TMX1: variants seen among roughly 807,000 people sequenced by gnomAD.
The protein encoded by TMX1 is thioredoxin-related transmembrane protein 1.
A neutral mutation model predicts 36.6 loss-of-function variants in TMX1; 25 were observed. The observed-to-expected ratio is 0.68, with a 90% CI of 0.50 to 0.95. The LOEUF is 0.95. Among genes scored for constraint, TMX1 ranks in the 40% least tolerant of loss-of-function variants. The probability of loss-of-function intolerance (pLI) is 0.00; values close to 1 mark genes in which losing one functional copy is unlikely to be tolerated. For missense variants in TMX1, 347 were observed against 339.6 expected (o/e 1.02, Z -0.17); for synonymous variants, 133 against 118.0 (o/e 1.13, Z -0.82).
In TMX1 at chr14:51,254,566, AGATT is replaced by A. The variant is rs1432293004; in HGVS notation, c.*51_*54del. ...ATATTATGATTTTGATAAAAACAGA[AGATT>A]GATCATTTTGTTTGGTTTGAAGTGA... On this transcript the variant is annotated 3_prime_UTR_variant, in exon 8 of 8. Transcript: ENST00000457354. The A allele has an allele frequency of 2.6e-6, 4 of 1,519,306 alleles. No individual in the cohort carries two copies. The highest frequency in any genetic ancestry group is 2.7e-6 in the Non-Finnish European group (3 of 1,128,794). 94.1% of individuals were successfully genotyped at this position (1,519,306 alleles called of 1,614,324 possible). A position where few individuals can be genotyped will look rare whatever the true frequency, so the allele number is the denominator to read the frequency against.
intron 7 of TMX1, 100 bp from the exon 8 acceptor site, chr14:51,254,241 C>A: frequency 2.0e-6 from 2 of 992,410 alleles, no homozygotes; most frequent in Non-Finnish European, 1.4e-6. Flanking sequence ...TAAATTTATG[C>A]CAAAGCAGTT....
At chr14:51,251,201 G>A (rs2065811222) in intron 7 of TMX1, among the ~76,000 whole-genome samples, 1 of 152,160 alleles carries the variant, frequency 6.6e-6, no homozygotes, top group Admixed American at 6.5e-5. Flanking sequence ...ACTTTACGAT[G>A]GTGCAAAATG....
chr14:51,246,518 T>C (rs1039144475), intron 3 of TMX1, among the ~76,000 whole-genome samples: 1 of 152,160 alleles, frequency 6.6e-6, no homozygotes, highest in Non-Finnish European at 1.5e-5. Context: ...TTTGTGACTC[T>C]GACAGAACTT....
Position 51,243,981 on chromosome 14 carries a change from G to A in TMX1, c.268+10G>A. On this transcript the variant is annotated intron_variant, in intron 2 of 7. Transcript: ENST00000457354. ...GTCACAGAGCAGCCAGGTACTGTAAGTCTTTGGTTAGTTTTGTTTCTTTGC... is the reference window on the plus strand; with the variant it reads ...GTCACAGAGCAGCCAGGTACTGTAAATCTTTGGTTAGTTTTGTTTCTTTGC... 1 of 1,589,822 alleles carries A rather than the reference G, an allele frequency of 6.3e-7. No individual in the cohort carries two copies. The highest frequency in any genetic ancestry group is 2.3e-5 in the East Asian group (1 of 44,222).
Position 51,247,230 on chromosome 14 carries a change from A to T in TMX1, c.443+10A>T. 6.2e-7 allele frequency: 1 copy of T among 1,604,636 alleles called. No individual in the cohort carries two copies. The highest frequency in any genetic ancestry group is 1.3e-5 in the African/African-American group (1 of 74,406). ...GTCCAGGTTCTGTTCTGTAAGTATG[A>T]GGGCTTTTTCTCTTACCCATTTCAT... On this transcript the variant is annotated intron_variant, in intron 4 of 7. Transcript: ENST00000457354.
At chr14:51,254,239 T>C in intron 7 of TMX1, 102 bp from the exon 8 acceptor site, 2 of 960,234 alleles carry the variant, frequency 2.1e-6, no homozygotes, top group Non-Finnish European at 2.9e-6. Context: ...GATAAATTTA[T>C]GCCAAAGCAG....
At chr14:51,251,416 A>T (rs2065812737) in intron 7 of TMX1, among the ~76,000 whole-genome samples, 1 of 152,202 alleles carries the variant, frequency 6.6e-6, no homozygotes, top group African/African-American at 2.4e-5. Flanking sequence ...ATCAGGGTAT[A>T]ACCCCATCAT....
Position 51,254,575 on chromosome 14 carries a change from A to G in TMX1, c.*56A>G. ...TTTTGATAAAAACAGAAGATTGATC[A>G]TTTTGTTTGGTTTGAAGTGAACTGT... is the stretch of plus-strand genomic sequence containing the variant. On this transcript the variant is annotated 3_prime_UTR_variant, in exon 8 of 8. Transcript: ENST00000457354. 6.7e-7 allele frequency: 1 copy of G among 1,499,716 alleles called. No individual in the cohort carries two copies. The highest frequency in any genetic ancestry group is 9.0e-7 in the Non-Finnish European group (1 of 1,112,910). 92.9% of individuals were successfully genotyped at this position (1,499,716 alleles called of 1,614,324 possible).
intron 3 of TMX1, among the ~76,000 whole-genome samples, chr14:51,246,334 T>A (rs1451364166): frequency 1.3e-5 from 2 of 152,190 alleles, no homozygotes; most frequent in East Asian, 3.8e-4. Context: ...ATCTTACCTA[T>A]GCTTCAAATA....
At chr14:51,249,637 C>A in intron 6 of TMX1, 56 bp from the exon 7 acceptor site, 1 of 1,594,076 alleles carries the variant, frequency 6.3e-7, no homozygotes. Flanking sequence ...AAAATAGTTA[C>A]ATTAGCTGTG....
Position 51,240,265 on chromosome 14 carries a change from G to C in TMX1, c.-28G>C. ...GGGCGGAAGTGGGAGCTGCGACCGC[G>C]CTCCCTGTGAGGTGGGCAAGCGGCG... On this transcript the variant is annotated 5_prime_UTR_variant, in exon 1 of 8. Transcript: ENST00000457354. 1 of 1,602,934 alleles carries C rather than the reference G, an allele frequency of 6.2e-7. No homozygotes were observed. Among genetic ancestry groups the C allele is most frequent in the South Asian group, 1.1e-5 (1 of 90,926 alleles).
intron 1 of TMX1, among the ~76,000 whole-genome samples, chr14:51,241,724 T>G (rs1457366662): frequency 1.8e-4 from 28 of 152,092 alleles, no homozygotes; most frequent in Admixed American, 1.8e-3. Flanking sequence ...AGGTGAGTGT[T>G]TTCTTGTGTC....
intron 4 of TMX1, among the ~76,000 whole-genome samples, chr14:51,247,945 C>G (rs1054384893): frequency 1.3e-5 from 2 of 152,150 alleles, no homozygotes; most frequent in Non-Finnish European, 2.9e-5. Flanking sequence ...CCATAGAGAC[C>G]GTCAATAATT....
intron 1 of TMX1, 68 bp downstream of exon 1, chr14:51,240,512 G>T (rs532854077): frequency 3.6e-5 from 56 of 1,557,960 alleles, no homozygotes; most frequent in African/African-American, 9.5e-5. Context: ...CACGTTCCTC[G>T]TGCGGGTCGC....
intron 3 of TMX1, chr14:51,245,895 T>C (rs941879624): frequency 5.5e-6 from 1 of 182,914 alleles, no homozygotes; most frequent in Admixed American, 5.4e-5. Flanking sequence ...TAAAACAGAA[T>C]GAGCAAGATT....
chr14:51,246,200 C>T (rs1431875450), intron 3 of TMX1, among the ~76,000 whole-genome samples: 1 of 152,066 alleles, frequency 6.6e-6, no homozygotes, highest in Admixed American at 6.6e-5. Flanking sequence ...CCCACGTGCC[C>T]CTTCAGTCTC....
chr14:51,257,318 C>T lies in TMX1; in HGVS notation c.*2799C>T, dbSNP rs2065843097. On this transcript the variant is annotated 3_prime_UTR_variant, in exon 8 of 8. Transcript: ENST00000457354. ...TTATTCAGCCTTACACAAAAAAAGG[C>T]ATAGTTCTGGGCTTAATTGTGATGT... The T allele has an allele frequency of 6.6e-6, 1 of 152,116 alleles. No homozygotes were observed. Among genetic ancestry groups the T allele is most frequent in the Non-Finnish European group, 1.5e-5 (1 of 68,034 alleles). 9.4% of individuals were successfully genotyped at this position (152,116 alleles called of 1,614,324 possible).
rs1174179019 is a variant in TMX1 at position 51,255,689 on chromosome 14, A to G, written c.*1170A>G. On this transcript the variant is annotated 3_prime_UTR_variant, in exon 8 of 8. Coordinates refer to ENST00000457354, the MANE Select transcript of TMX1 (RefSeq NM_030755.5). ...ATCCTGTGTTCTTTCCTGACTGGTA[A>G]TATTGTGTGGGATTTCACAGGTAAA... The G allele has an allele frequency of 1.3e-5, 2 of 152,070 alleles. No homozygotes were observed. Among genetic ancestry groups the G allele is most frequent in the African/African-American group, 4.8e-5 (2 of 41,442 alleles). 9.4% of individuals were successfully genotyped at this position (152,070 alleles called of 1,614,324 possible).
intron 7 of TMX1, among the ~76,000 whole-genome samples, chr14:51,251,351 G>A (rs2065812281): frequency 6.6e-6 from 1 of 152,248 alleles, no homozygotes; most frequent in Admixed American, 6.5e-5. Context: ...GTAAGGATAG[G>A]TTAGTTGTAT....
Sources: allele counts gnomAD v4.1 joint callset (sites outside exome capture counted in the v4.1 genomes callset), GRCh38; gene constraint gnomAD v4.1.1; transcripts MANE v1.5; gene names NCBI Gene and HGNC (gene_info 2026-07-23, HGNC 2026-07-21).